The following NALF1 variants were observed in gnomAD, a reference collection of about 807,000 sequenced individuals.
NALF1 encodes the protein NALCN channel auxiliary factor 1.
NALF1 carries 3 observed loss-of-function variants against 48.4 expected under a neutral mutation model. The observed-to-expected ratio is 0.06, with a 90% confidence interval of 0.03 to 0.16. NALF1 has a LOEUF of 0.16. Among genes scored for constraint, NALF1 ranks in the 10% least tolerant of loss-of-function variants. The pLI is 1.00. For missense variants in NALF1, 526 were observed against 571.5 expected, an observed-to-expected ratio of 0.92 and a Z score of 0.81; for synonymous variants, 262 against 245.7, an observed-to-expected ratio of 1.07 and a Z score of -0.62.
intron 1 of NALF1, among the ~76,000 whole-genome samples, chr13:107,292,974 G>A (rs1434010145): frequency 7.8e-6 from 1 of 128,146 alleles, no homozygotes; most frequent in Non-Finnish European, 1.6e-5. Flanking sequence ...TTTCAGCTCC[G>A]TTATAGTTTT....
At chr13:107,401,167 T>C (rs1883800445) in intron 1 of NALF1, among the ~76,000 whole-genome samples, 1 of 152,178 alleles carries the variant, frequency 6.6e-6, no homozygotes, top group African/African-American at 2.4e-5. Context: ...TCCTGTGCCA[T>C]CCCCCTCAGT....
chr13:107,756,961 G>A (rs541556767), intron 1 of NALF1, among the ~76,000 whole-genome samples: 24 of 152,232 alleles, frequency 1.6e-4, no homozygotes, highest in Admixed American at 8.5e-4. Flanking sequence ...AAATTAACAT[G>A]TGTACTGACT....
intron 1 of NALF1, among the ~76,000 whole-genome samples, chr13:107,630,924 G>C (rs1879818392): frequency 1.3e-5 from 2 of 152,110 alleles, no homozygotes; most frequent in African/African-American, 4.8e-5. Flanking sequence ...GGACCTAAAT[G>C]TGTAAATATA....
At chr13:107,478,324 C>T (rs1566358868) in intron 1 of NALF1, among the ~76,000 whole-genome samples, 1 of 152,040 alleles carries the variant, frequency 6.6e-6, no homozygotes, top group East Asian at 1.9e-4. Flanking sequence ...ATTTTTATTT[C>T]TAGTTGGACC....
At chr13:107,440,245 C>T (rs1884534053) in intron 1 of NALF1, among the ~76,000 whole-genome samples, 1 of 152,070 alleles carries the variant, frequency 6.6e-6, no homozygotes, top group African/African-American at 2.4e-5. Flanking sequence ...GAGTACTGTA[C>T]TTATCTGAGT....
intron 1 of NALF1, among the ~76,000 whole-genome samples, chr13:107,252,667 T>C (rs1202953493): frequency 6.6e-6 from 1 of 151,908 alleles, no homozygotes; most frequent in African/African-American, 2.4e-5. Context: ...ACACTCGGGG[T>C]GGGGGAAAGA....
intron 1 of NALF1, among the ~76,000 whole-genome samples, chr13:107,812,583 C>T (rs1879029563): frequency 6.6e-6 from 1 of 152,018 alleles, no homozygotes; most frequent in African/African-American, 2.4e-5. Context: ...TACATTTTAA[C>T]CCATAGATTT....
At chr13:107,625,194 C>T (rs555142531) in intron 1 of NALF1, among the ~76,000 whole-genome samples, 3 of 152,064 alleles carry the variant, frequency 2.0e-5, no homozygotes, top group Admixed American at 6.6e-5. Flanking sequence ...TCTCTACTTG[C>T]AGCTTTAGGT....
At chr13:107,521,924 T>TACACACACACACACACATAC (rs938442260) in intron 1 of NALF1, among the ~76,000 whole-genome samples, 9 of 148,252 alleles carry the variant, frequency 6.1e-5, no homozygotes, top group Non-Finnish European at 1.2e-4. Context: ...TTCTTCAACT[T>TACACACACACACACACATAC]ACACACACAC....
intron 1 of NALF1, among the ~76,000 whole-genome samples, chr13:107,662,431 G>A (rs753368989): frequency 6.6e-6 from 1 of 152,166 alleles, no homozygotes; most frequent in African/African-American, 2.4e-5. Context: ...AGTATTGAAA[G>A]CATGAACAGT....
chr13:107,281,399 G>T (rs181585626), intron 1 of NALF1, among the ~76,000 whole-genome samples: 1 of 152,272 alleles, frequency 6.6e-6, no homozygotes, highest in Non-Finnish European at 1.5e-5. Context: ...TTAGCAATTG[G>T]CATAATTTGA....
intron 1 of NALF1, among the ~76,000 whole-genome samples, chr13:107,432,528 G>A (rs1535714): frequency 0.24 from 36,616 of 151,986 alleles, 4,654 homozygotes; most frequent in Admixed American, 0.29. Context: ...ATTGGAAAGT[G>A]TCAGCTGCTT....
intron 1 of NALF1, among the ~76,000 whole-genome samples, chr13:107,536,761 T>C (rs1876831012): frequency 6.6e-6 from 1 of 152,136 alleles, no homozygotes; most frequent in South Asian, 2.1e-4. Context: ...ATCATGCAGC[T>C]ATAAAGGCAC....
intron 1 of NALF1, among the ~76,000 whole-genome samples, chr13:107,617,973 C>T (rs1289324058): frequency 6.6e-6 from 1 of 152,074 alleles, no homozygotes; most frequent in African/African-American, 2.4e-5. Context: ...TTTATTTCTT[C>T]AACATATATT....
At chr13:107,849,615 A>G (rs1254482223) in intron 1 of NALF1, among the ~76,000 whole-genome samples, 1 of 152,184 alleles carries the variant, frequency 6.6e-6, no homozygotes, top group East Asian at 1.9e-4. Context: ...CAAAGCTTCA[A>G]GAATACTTGT....
intron 1 of NALF1, among the ~76,000 whole-genome samples, chr13:107,785,768 G>A (rs1245289116): frequency 5.3e-5 from 8 of 152,160 alleles, no homozygotes; most frequent in African/African-American, 1.7e-4. Flanking sequence ...CAGACTTTTT[G>A]AAGGCTGTAC....
intron 1 of NALF1, among the ~76,000 whole-genome samples, chr13:107,358,332 CAAGAG>C (rs1002579559): frequency 6.6e-6 from 1 of 152,068 alleles, no homozygotes; most frequent in African/African-American, 2.4e-5. Context: ...CTGCAGTTGC[CAAGAG>C]AAGAGTAACA....
intron 2 of NALF1, among the ~76,000 whole-genome samples, chr13:107,174,363 AT>A (rs376258353): frequency 2.5e-4 from 36 of 144,348 alleles, no homozygotes; most frequent in East Asian, 6.1e-4. Context: ...TTATTTATTT[AT>A]TTTTTTTTTT....
At chr13:107,591,997 T>C (rs1878613743) in intron 1 of NALF1, among the ~76,000 whole-genome samples, 1 of 151,974 alleles carries the variant, frequency 6.6e-6, no homozygotes, top group Non-Finnish European at 1.5e-5. Flanking sequence ...CACTTTCTAA[T>C]GATTTTACTC....
Sources: allele counts gnomAD v4.1 joint callset (sites outside exome capture counted in the v4.1 genomes callset), GRCh38; gene constraint gnomAD v4.1.1; transcripts MANE v1.5; gene names NCBI Gene and HGNC (gene_info 2026-07-23, HGNC 2026-07-21).